KCNT2: variants seen among roughly 807,000 people sequenced by gnomAD.
The protein encoded by KCNT2 is potassium sodium-activated channel subfamily T member 2, also known as potassium channel subfamily T member 2.
A neutral mutation model predicts 153.8 loss-of-function variants in KCNT2; 67 were observed. The ratio of observed to expected loss-of-function variants is 0.44; its 90% CI spans 0.36 to 0.53. KCNT2 has a LOEUF of 0.53. Ranked by LOEUF, KCNT2 falls within the 20% of genes least tolerant of loss-of-function variation. The probability of loss-of-function intolerance (pLI) is 0.00; values close to 1 mark genes in which losing one functional copy is unlikely to be tolerated. For missense variants in KCNT2, 975 were observed against 1,354.8 expected (o/e 0.72, Z 4.40); for synonymous variants, 500 against 458.8 (o/e 1.09, Z -1.15).
intron 13 of KCNT2, among the ~76,000 whole-genome samples, chr1:196,384,344 A>G (rs1383309317): frequency 6.6e-6 from 1 of 152,082 alleles, no homozygotes; most frequent in Non-Finnish European, 1.5e-5. Context: ...TTCCCTTACC[A>G]ATGAGGAAAG....
intron 27 of KCNT2, among the ~76,000 whole-genome samples, chr1:196,230,265 A>AATTCTG (rs1341428443): frequency 6.6e-6 from 1 of 152,022 alleles, no homozygotes; most frequent in Non-Finnish European, 1.5e-5. Flanking sequence ...GACACTTAAG[A>AATTCTG]ATTCTGCTAA....
At chr1:196,260,605 G>T (rs1327581662) in intron 25 of KCNT2, among the ~76,000 whole-genome samples, 1 of 151,506 alleles carries the variant, frequency 6.6e-6, no homozygotes, top group Non-Finnish European at 1.5e-5. Flanking sequence ...ACAGTAAAAA[G>T]AAATGAGAAG....
chr1:196,595,985 C>G (rs1437233442), intron 1 of KCNT2, among the ~76,000 whole-genome samples: 1 of 150,574 alleles, frequency 6.6e-6, no homozygotes, highest in Non-Finnish European at 1.5e-5. Flanking sequence ...TAATGGCCTC[C>G]AGCTCCATCC....
chr1:196,482,435 T>C (rs1557992557), intron 3 of KCNT2, 56 bp from the exon 4 acceptor site: 1 of 958,452 alleles, frequency 1.0e-6, no homozygotes. Flanking sequence ...TCTATTCACT[T>C]TTAAAATTCA....
Position 196,320,384 on chromosome 1 carries a change from TAAAG to T in KCNT2, c.2277-833_2277-830del, listed in dbSNP as rs1663173952. Among the ~76,000 whole-genome samples, 8 of 151,972 alleles carry T rather than the reference TAAAG, an allele frequency of 5.3e-5. 1 individual carries two copies. In the South Asian group the frequency reaches 6.2e-4, roughly 12 times the overall value. ...GAATATCCTGTTAACTTGTAAGAAA[TAAAG>T]AGTTTTAAAAATTATGTACAAAATC... On this transcript the variant is annotated intron_variant, in intron 19 of 27. Transcript: ENST00000294725.
In KCNT2 at chr1:196,326,879, T is replaced by A; in HGVS notation, c.2114A>T (p.His705Leu). 1 of 1,562,346 alleles carries A rather than the reference T, an allele frequency of 6.4e-7. No homozygotes were observed. Among genetic ancestry groups the A allele is most frequent in the Non-Finnish European group, 8.6e-7 (1 of 1,160,308 alleles). The part of the protein sequence containing the change: ...CCLRLDKSCQ[H>L]NYYEDAKAYG... ...GGCTTTTGCATCCTCATAGTAGTTA[T>A]GTTGGCAACTCTAGAGAAGAGAAAG... The change falls in exon 19 of 28, where the codon CAT (histidine) becomes CTT (leucine). Residue 705 changes from histidine to leucine, a missense_variant. His to Leu is a moderately conservative substitution (Grantham distance 99). Coordinates refer to ENST00000294725, the MANE Select transcript of KCNT2 (RefSeq NM_198503.5).
At chr1:196,315,604 C>A (rs1266004192) in intron 21 of KCNT2, among the ~76,000 whole-genome samples, 1 of 151,592 alleles carries the variant, frequency 6.6e-6, no homozygotes, top group African/African-American at 2.4e-5. Flanking sequence ...TGTCAAAACT[C>A]ATGACTACTA....
chr1:196,553,651 T>G (rs531366107), intron 1 of KCNT2, among the ~76,000 whole-genome samples: 1 of 151,304 alleles, frequency 6.6e-6, no homozygotes, highest in Non-Finnish European at 1.5e-5. Context: ...CAATAGATAT[T>G]TACAGAACAC....
intron 27 of KCNT2, among the ~76,000 whole-genome samples, chr1:196,232,862 T>G (rs1654074248): frequency 6.6e-6 from 1 of 151,434 alleles, no homozygotes; most frequent in South Asian, 2.1e-4. Flanking sequence ...ATGATTGTAT[T>G]AAGCTTAAGA....
In KCNT2 at chr1:196,313,848, C is replaced by CTA. The variant is rs754220244; in HGVS notation, c.2483+2042_2483+2043dup. Among the ~76,000 whole-genome samples, 67 of 151,446 alleles carry CTA rather than the reference C, an allele frequency of 4.4e-4. 1 individual carries two copies. The highest frequency in any genetic ancestry group is 7.7e-4 in the Non-Finnish European group (52 of 67,700). ...GCTCAAAACTATTCAGTCTAGATTA[C>CTA]TATATATATACCATAAAAACTATAT... On this transcript the variant is annotated intron_variant, in intron 21 of 27. Transcript: ENST00000294725.
chr1:196,350,505 C>T (rs1211254849), intron 14 of KCNT2, among the ~76,000 whole-genome samples: 1 of 152,080 alleles, frequency 6.6e-6, no homozygotes, highest in Non-Finnish European at 1.5e-5. Context: ...TAAATGTCTT[C>T]TTTTGAGAAG....
chr1:196,536,121 T>C (rs1270340497), intron 1 of KCNT2, among the ~76,000 whole-genome samples: 1 of 152,210 alleles, frequency 6.6e-6, no homozygotes, highest in Non-Finnish European at 1.5e-5. Flanking sequence ...CACATGACAT[T>C]ACCACAAGGC....
At chr1:196,604,239 T>G (rs971432686) in intron 1 of KCNT2, among the ~76,000 whole-genome samples, 15 of 152,180 alleles carry the variant, frequency 9.9e-5, no homozygotes, top group African/African-American at 3.4e-4. Flanking sequence ...ACATAAACAA[T>G]ACTGTCAATA....
chr1:196,589,113 A>G (rs533437105), intron 1 of KCNT2, among the ~76,000 whole-genome samples: 4 of 152,074 alleles, frequency 2.6e-5, no homozygotes, highest in East Asian at 3.9e-4. Context: ...TTTGGAATCT[A>G]CTTAGAAATA....
rs117385174 is a variant in KCNT2 at position 196,315,252 on chromosome 1, G to A, written c.2483+640C>T. Among the ~76,000 whole-genome samples, 55 of 151,684 alleles carry A rather than the reference G, an allele frequency of 3.6e-4. 2 individuals carry two copies. The East Asian group carries it at 0.011, about 30-fold the overall frequency. ...TATTTAAAATTTCATATGATTTTAGGGAGAATTGTTCCAAGTGAAACAGAT... is the reference window on the plus strand; with the variant it reads ...TATTTAAAATTTCATATGATTTTAGAGAGAATTGTTCCAAGTGAAACAGAT... On this transcript the variant is annotated intron_variant, in intron 21 of 27. Coordinates refer to ENST00000294725, the MANE Select transcript of KCNT2 (RefSeq NM_198503.5).
chr1:196,417,550 A>T (rs1276555581), intron 12 of KCNT2, among the ~76,000 whole-genome samples: 1 of 152,028 alleles, frequency 6.6e-6, no homozygotes, highest in Non-Finnish European at 1.5e-5. Flanking sequence ...TCTAACTATG[A>T]TTTTATTACT....
intron 21 of KCNT2, among the ~76,000 whole-genome samples, chr1:196,315,307 C>T (rs1035482865): frequency 1.3e-5 from 2 of 151,606 alleles, no homozygotes; most frequent in East Asian, 3.9e-4. Flanking sequence ...TTTGACTTTA[C>T]TTATAGCATG....
intron 8 of KCNT2, among the ~76,000 whole-genome samples, chr1:196,435,133 GTGTATGTATATATATA>G (rs1211146822): frequency 4.8e-4 from 42 of 87,882 alleles, no homozygotes; most frequent in African/African-American, 1.7e-3. Flanking sequence ...ATGTGTGTGT[GTGTATGTATATATATA>G]TATATATATA....
intron 1 of KCNT2, among the ~76,000 whole-genome samples, chr1:196,555,849 A>G (rs147753116): frequency 6.6e-6 from 1 of 151,322 alleles, no homozygotes; most frequent in Non-Finnish European, 1.5e-5. Flanking sequence ...ACAAATCCAC[A>G]TCCCTATGGT....
Sources: allele counts gnomAD v4.1 joint callset (sites outside exome capture counted in the v4.1 genomes callset), GRCh38; gene constraint gnomAD v4.1.1; transcripts MANE v1.5; gene names NCBI Gene and HGNC (gene_info 2026-07-23, HGNC 2026-07-21).